PDE4D: variants seen among roughly 807,000 people sequenced by gnomAD.
The protein encoded by PDE4D is phosphodiesterase 4D.
PDE4D carries 24 observed loss-of-function variants against 87.4 expected under a neutral mutation model. The observed-to-expected ratio is 0.27, with a 90% CI of 0.20 to 0.39. PDE4D has a LOEUF of 0.39. Ranked by LOEUF, PDE4D falls within the 10% of genes least tolerant of loss-of-function variation. PDE4D has a pLI of 1.00. For synonymous variants in PDE4D, 384 were observed against 383.2 expected, an observed-to-expected ratio of 1.00 and a Z score of -0.02; for missense variants, 714 against 1,041.0, an observed-to-expected ratio of 0.69 and a Z score of 4.32.
intron 1 of PDE4D, among the ~76,000 whole-genome samples, chr5:59,248,856 T>C (rs1229196388): frequency 6.6e-6 from 1 of 152,074 alleles, no homozygotes; most frequent in African/African-American, 2.4e-5. Flanking sequence ...TACCTTATAT[T>C]AAGATAAATT....
intron 1 of PDE4D, among the ~76,000 whole-genome samples, chr5:59,387,488 G>T (rs1370364604): frequency 6.6e-6 from 1 of 151,964 alleles, no homozygotes; most frequent in East Asian, 1.9e-4. Context: ...TTTATGAAGG[G>T]ACATGATTTC....
At chr5:60,219,918 A>G (rs1451139698) in intron 1 of PDE4D, among the ~76,000 whole-genome samples, 1 of 152,196 alleles carries the variant, frequency 6.6e-6, no homozygotes, top group Non-Finnish European at 1.5e-5. Context: ...TTCTTTGTGA[A>G]GGAAGCAGCA....
chr5:59,799,003 T>C (rs942273959), intron 1 of PDE4D, among the ~76,000 whole-genome samples: 1 of 152,156 alleles, frequency 6.6e-6, no homozygotes, highest in African/African-American at 2.4e-5. Flanking sequence ...ACGATGGGGA[T>C]TGCAGCCAAT....
intron 6 of PDE4D, among the ~76,000 whole-genome samples, chr5:59,015,246 T>C (rs1753734365): frequency 6.6e-6 from 1 of 151,900 alleles, no homozygotes; most frequent in Non-Finnish European, 1.5e-5. Flanking sequence ...CCAAAAGCAA[T>C]GGCAACAAGA....
intron 2 of PDE4D, among the ~76,000 whole-genome samples, chr5:59,204,527 C>T (rs1748301041): frequency 6.6e-6 from 1 of 152,172 alleles, no homozygotes; most frequent in Non-Finnish European, 1.5e-5. Context: ...TAGACATATT[C>T]ACTAAGCATA....
intron 1 of PDE4D, among the ~76,000 whole-genome samples, chr5:59,252,657 G>A (rs1405525314): frequency 6.6e-6 from 1 of 151,994 alleles, no homozygotes; most frequent in East Asian, 1.9e-4. Flanking sequence ...GAGTAGGTGG[G>A]ACTACAGGTG....
chr5:59,250,313 C>CA lies in PDE4D; in HGVS notation c.456-34346dup, dbSNP rs10717217. On this transcript the variant is annotated intron_variant, in intron 1 of 14. Coordinates refer to ENST00000340635, the MANE Select transcript of PDE4D (RefSeq NM_001104631.2). The stretch of plus-strand genomic sequence containing the variant: ...GCAACATAGGGAGACACTGTCTCTA[C>CA]AAAAAAAAAAACAAAAAAAATTAAA... Among the ~76,000 whole-genome samples, 416 of 138,024 alleles carry CA rather than the reference C, an allele frequency of 3.0e-3. 1 individual carries two copies. Among genetic ancestry groups the CA allele is most frequent in the African/African-American group, 8.4e-3 (317 of 37,740 alleles). 90.5% of individuals were successfully genotyped at this position (138,024 alleles called of 152,430 possible). A position where few individuals can be genotyped will look rare whatever the true frequency, so the allele number is the denominator to read the frequency against.
At chr5:60,154,424 C>T (rs1013701544) in intron 2 of PDE4D, among the ~76,000 whole-genome samples, 1 of 151,972 alleles carries the variant, frequency 6.6e-6, no homozygotes, top group Non-Finnish European at 1.5e-5. Flanking sequence ...TTACAGGTGT[C>T]TGCCACCACA....
chr5:60,236,244 G>A (rs887028920), intron 1 of PDE4D, among the ~76,000 whole-genome samples: 2 of 151,812 alleles, frequency 1.3e-5, no homozygotes, highest in African/African-American at 4.8e-5. Flanking sequence ...CAATGAATTG[G>A]ACTTCATCAA....
At chr5:60,155,938 T>C (rs1781935065) in intron 2 of PDE4D, among the ~76,000 whole-genome samples, 1 of 152,230 alleles carries the variant, frequency 6.6e-6, no homozygotes, top group Admixed American at 6.5e-5. Context: ...TCTGGATGTT[T>C]CACAGTCTCT....
At chr5:59,817,640 C>A (rs147166218) in intron 1 of PDE4D, among the ~76,000 whole-genome samples, 411 of 152,122 alleles carry the variant, frequency 2.7e-3, no homozygotes, top group Non-Finnish European at 4.5e-3. Context: ...TAAATGTGGT[C>A]ATAAGGGTAG....
chr5:60,010,146 C>T (rs1250125412), intron 2 of PDE4D, among the ~76,000 whole-genome samples: 1 of 152,052 alleles, frequency 6.6e-6, no homozygotes, highest in Non-Finnish European at 1.5e-5. Context: ...CCTCTTCTTC[C>T]TGAAAATTAG....
intron 2 of PDE4D, among the ~76,000 whole-genome samples, chr5:60,159,763 A>G (rs1323866826): frequency 6.6e-6 from 1 of 152,168 alleles, no homozygotes; most frequent in Admixed American, 6.5e-5. Context: ...AAGCTGCCCA[A>G]ATTTGATTCT....
chr5:59,616,327 T>C (rs1000162164), intron 1 of PDE4D, among the ~76,000 whole-genome samples: 2 of 152,206 alleles, frequency 1.3e-5, no homozygotes, highest in Non-Finnish European at 2.9e-5. Context: ...TTGATTCTTA[T>C]TTCACTTTAT....
At chr5:60,063,024 A>G (rs973780596) in intron 2 of PDE4D, among the ~76,000 whole-genome samples, 3 of 151,530 alleles carry the variant, frequency 2.0e-5, no homozygotes, top group African/African-American at 7.3e-5. Context: ...CGTGACACAC[A>G]TATACTGTGT....
chr5:59,520,500 C>T (rs983304135), intron 1 of PDE4D, among the ~76,000 whole-genome samples: 7 of 152,032 alleles, frequency 4.6e-5, no homozygotes, highest in Non-Finnish European at 8.8e-5. Context: ...AGAAGATCTA[C>T]GTGGGAAGTG....
intron 1 of PDE4D, among the ~76,000 whole-genome samples, chr5:59,888,653 T>C (rs1289311397): frequency 6.6e-6 from 1 of 152,156 alleles, no homozygotes; most frequent in East Asian, 1.9e-4. Context: ...TTTTTAAAGA[T>C]ACTGTTTCCT....
chr5:60,512,635 A>G (rs1415886221), intron 1 of PDE4D, among the ~76,000 whole-genome samples: 2 of 152,234 alleles, frequency 1.3e-5, no homozygotes, highest in African/African-American at 4.8e-5. Context: ...TCAAATGCCT[A>G]AGGAAAAGGA....
chr5:59,637,350 A>G (rs1832377927), intron 1 of PDE4D, among the ~76,000 whole-genome samples: 1 of 152,176 alleles, frequency 6.6e-6, no homozygotes, highest in South Asian at 2.1e-4. Flanking sequence ...TTTCTCAAGG[A>G]TCTAGAAGTA....
Sources: allele counts gnomAD v4.1 joint callset (sites outside exome capture counted in the v4.1 genomes callset), GRCh38; gene constraint gnomAD v4.1.1; transcripts MANE v1.5; gene names NCBI Gene and HGNC (gene_info 2026-07-23, HGNC 2026-07-21).